Variants in STAR observed in about 807,000 individuals in gnomAD.
STAR encodes steroidogenic acute regulatory protein.
In STAR, 32 loss-of-function variants were observed where a neutral mutation model predicts 32.3. The ratio of observed to expected loss-of-function variants is 0.99; its 90% CI spans 0.75 to 1.33. The LOEUF (loss-of-function observed/expected upper bound fraction) is 1.33. Among genes scored for constraint, STAR ranks in the 40% most tolerant of loss-of-function variants. The pLI is 0.00. For synonymous variants in STAR, 134 were observed against 140.5 expected (o/e 0.95, Z 0.33); for missense variants, 375 against 379.0 (o/e 0.99, Z 0.09).
intron 6 of STAR, 147 bp from the exon 7 acceptor site, chr8:38,144,533 A>G: frequency 6.7e-7 from 1 of 1,501,974 alleles, no homozygotes; most frequent in Non-Finnish European, 8.9e-7. Flanking sequence ...CAAGGGCGGG[A>G]GGACTGCATT....
intron 6 of STAR, 118 bp from the exon 7 acceptor site, chr8:38,144,504 A>T (rs556101201): frequency 6.6e-7 from 1 of 1,522,034 alleles, no homozygotes; most frequent in East Asian, 2.5e-5. Flanking sequence ...TAATAGGTGC[A>T]GCCTTGGAGT....
At position 38,144,157 on chromosome 8, in the gene STAR, ACCCAT is replaced by A; in HGVS notation, c.*111_*115del. 9.0e-7 allele frequency: 1 copy of A among 1,107,374 alleles called. No individual in the cohort carries two copies. Among genetic ancestry groups the A allele is most frequent in the Non-Finnish European group, 1.3e-6 (1 of 756,110 alleles). 68.6% of individuals were successfully genotyped at this position (1,107,374 alleles called of 1,614,324 possible). A position where few individuals can be genotyped will look rare whatever the true frequency, so the allele number is the denominator to read the frequency against. ...GTGTCATACTCTAAACACGAACCCC[ACCCAT>A]CCCACTGTCACCAGATGGAGATCTT... is the stretch of plus-strand genomic sequence containing the variant. On this transcript the variant is annotated 3_prime_UTR_variant, in exon 7 of 7. Transcript: ENST00000276449.
chr8:38,149,978 A>G (rs964612708), intron 1 of STAR, among the ~76,000 whole-genome samples: 6 of 152,140 alleles, frequency 3.9e-5, no homozygotes, highest in Admixed American at 3.3e-4. Context: ...AAAACTAGCC[A>G]GGCGTGGTGG....
At chr8:38,147,450 T>C (rs1300509324) in intron 3 of STAR, among the ~76,000 whole-genome samples, 2 of 152,232 alleles carry the variant, frequency 1.3e-5, no homozygotes, top group Non-Finnish European at 1.5e-5. Flanking sequence ...AAGATTTGTT[T>C]TAGTTCAATA....
Position 38,148,704 on chromosome 8 carries a change from C to T in STAR, c.115G>A (p.Ala39Thr), listed in dbSNP as rs2130617535. Residue 39 changes from alanine to threonine, a missense_variant, in exon 2 of 7, where the codon GCC becomes ACC. Transcript: ENST00000276449. The part of the protein sequence containing the change: ...MAISQELNRR[A>T]LGGPTPSTWI... Reference sequence around the variant, plus strand: ...GTGCTAGGGGTGGGGCCCCCCAGGGCCCTCCGGTTCAGCTCCTGGCTGATG... The same window carrying T: ...GTGCTAGGGGTGGGGCCCCCCAGGGTCCTCCGGTTCAGCTCCTGGCTGATG... 1.2e-6 allele frequency: 2 copies of T among 1,614,090 alleles called. No homozygotes were observed. The highest frequency in any genetic ancestry group is 1.7e-6 in the Non-Finnish European group (2 of 1,180,050).
chr8:38,145,531 G>A, intron 5 of STAR: 1 of 642,770 alleles, frequency 1.6e-6, no homozygotes, highest in Non-Finnish European at 2.7e-6. Flanking sequence ...AGCCCCTGCG[G>A]CCTCTTGTGC....
At chr8:38,144,546 T>A (rs1463440582) in intron 6 of STAR, 160 bp from the exon 7 acceptor site, 4 of 1,479,552 alleles carry the variant, frequency 2.7e-6, no homozygotes, top group African/African-American at 1.4e-5. Flanking sequence ...ACTGCATTGC[T>A]CCTCTGCTGT....
At chr8:38,146,791 A>ATG (rs1397633390) in intron 3 of STAR, among the ~76,000 whole-genome samples, 2 of 148,788 alleles carry the variant, frequency 1.3e-5, no homozygotes, top group African/African-American at 2.5e-5. Context: ...TTATATATAT[A>ATG]TATATATTCT....
chr8:38,145,645 G>A (rs1004485660), intron 5 of STAR: 15 of 551,224 alleles, frequency 2.7e-5, no homozygotes, highest in African/African-American at 5.7e-5. Context: ...GAGTGGTATG[G>A]ATTATTTCAA....
intron 1 of STAR, 103 bp from the exon 2 acceptor site, chr8:38,148,857 G>C (rs1454722544): frequency 2.1e-6 from 2 of 953,172 alleles, no homozygotes; most frequent in Non-Finnish European, 3.3e-6. Context: ...GGTTTGGAGA[G>C]GGAAGTGACT....
At position 38,144,359 on chromosome 8, in the gene STAR, G is replaced by A. The variant is rs104894085; in HGVS notation, c.772C>T (p.Gln258Ter). 2.4e-5 allele frequency: 38 copies of A among 1,605,506 alleles called. No individual in the cohort carries two copies. The East Asian group carries it at 8.3e-4, about 35-fold the overall frequency. Residue 258 changes from glutamine (Q) to a stop codon, truncating the protein, a stop_gained, in exon 7 of 7, where the codon CAG (glutamine) becomes TAG (stop). Transcript: ENST00000276449. LOFTEE classifies it high-confidence loss of function. ...TCCACCTGGGTCTGGGACAGGACCT[G>A]GTTGATGATGCTCTTGGGCAGCCAC... ...KGWLPKSIIN[Q>*]VLSQTQVDFA...
Position 38,143,529 on chromosome 8 carries a change from T to A in STAR, c.*744A>T. On this transcript the variant is annotated 3_prime_UTR_variant, in exon 7 of 7. Coordinates refer to ENST00000276449, the MANE Select transcript of STAR (RefSeq NM_000349.3). Reference sequence around the variant, plus strand: ...ACCATGTTGGCCAGGATGGTCTCGATCTCCTGACCTTGTGATCCGCCTACC... The same window carrying A: ...ACCATGTTGGCCAGGATGGTCTCGAACTCCTGACCTTGTGATCCGCCTACC... 1 of 152,634 alleles carries A rather than the reference T, an allele frequency of 6.6e-6. No homozygotes were observed. Among genetic ancestry groups the A allele is most frequent in the Non-Finnish European group, 1.5e-5 (1 of 68,346 alleles). The allele number at this position is 152,634 out of a possible 1,614,324, so 9.5% of individuals were successfully genotyped here.
At chr8:38,148,366 C>CTCCCAGCCTCCACCAGCTCTCA in intron 2 of STAR, 39 bp from the exon 3 acceptor site, 1 of 1,612,160 alleles carries the variant, frequency 6.2e-7, no homozygotes, top group Non-Finnish European at 8.5e-7. Flanking sequence ...CTTCCTTCTT[C>CTCCCAGCCTCCACCAGCTCTCA]TCCCAGCCTC....
At position 38,144,129 on chromosome 8, in the gene STAR, C is replaced by T. The variant is rs1802517186; in HGVS notation, c.*144G>A. ...CTAAAAACTTTCACCAATCTGAATC[C>T]TAGTGTCATACTCTAAACACGAACC... On this transcript the variant is annotated 3_prime_UTR_variant, in exon 7 of 7. Transcript: ENST00000276449. The T allele has an allele frequency of 6.0e-6, 5 of 833,998 alleles. No homozygotes were observed. The highest frequency in any genetic ancestry group is 7.8e-6 in the Non-Finnish European group (4 of 510,664). The allele number at this position is 833,998 out of a possible 1,614,324, so 51.7% of individuals were successfully genotyped here. A position where few individuals can be genotyped will look rare whatever the true frequency, so the allele number is the denominator to read the frequency against.
At chr8:38,144,925 C>T in intron 6 of STAR, 2 of 1,029,176 alleles carry the variant, frequency 1.9e-6, no homozygotes, top group Admixed American at 3.5e-5. Context: ...GGAAGAATCA[C>T]TTGAATCCGG....
chr8:38,144,518 C>G (rs1802528674), intron 6 of STAR, 132 bp from the exon 7 acceptor site: 1 of 1,514,694 alleles, frequency 6.6e-7, no homozygotes, highest in South Asian at 1.2e-5. Context: ...TTGGAGTTGC[C>G]CAGTCAAGGG....
At position 38,142,717 on chromosome 8, in the gene STAR, G is replaced by A. The variant is rs1030617787; in HGVS notation, c.*1556C>T. On this transcript the variant is annotated 3_prime_UTR_variant, in exon 7 of 7. Coordinates refer to ENST00000276449, the MANE Select transcript of STAR (RefSeq NM_000349.3). ...CTCATTTTGTATTTTTAGTAGAGAT[G>A]GGGTTTCTCCATGTTAGTCAGGCTG... Among the ~76,000 whole-genome samples the A allele has an allele frequency of 2.6e-5, 4 of 151,732 alleles. No homozygotes were observed. Among genetic ancestry groups the A allele is most frequent in the African/African-American group, 9.7e-5 (4 of 41,272 alleles).
chr8:38,148,009 G>A (rs942123164), intron 3 of STAR, among the ~76,000 whole-genome samples, 191 bp downstream of exon 3: 1 of 152,256 alleles, frequency 6.6e-6, no homozygotes, highest in Non-Finnish European at 1.5e-5. Context: ...GGACTCTCCA[G>A]GGTGTCTTTT....
chr8:38,149,162 T>G (rs1430675185), intron 1 of STAR: 1 of 240,552 alleles, frequency 4.2e-6, no homozygotes, highest in Non-Finnish European at 8.3e-6. Context: ...GAGGTCTGTG[T>G]GCTTGCCAGA....
Sources: allele counts gnomAD v4.1 joint callset (sites outside exome capture counted in the v4.1 genomes callset), GRCh38; gene constraint gnomAD v4.1.1; transcripts MANE v1.5; gene names NCBI Gene and HGNC (gene_info 2026-07-23, HGNC 2026-07-21).